Variants in MRTFB observed in about 807,000 individuals in gnomAD.
The protein encoded by MRTFB is myocardin related transcription factor B.
Under a neutral mutation model 104.2 loss-of-function variants are expected in MRTFB, and 29 were observed. The ratio of observed to expected loss-of-function variants is 0.28; its 90% CI spans 0.21 to 0.38. The LOEUF is 0.38. Among genes scored for constraint, MRTFB ranks in the 10% least tolerant of loss-of-function variants. MRTFB has a pLI of 1.00. For missense variants in MRTFB, 1,270 were observed against 1,341.6 expected, an observed-to-expected ratio of 0.95 and a Z score of 0.83; for synonymous variants, 535 against 519.5, an observed-to-expected ratio of 1.03 and a Z score of -0.41.
At chr16:14,218,234 A>AT (rs1185453127) in intron 7 of MRTFB, among the ~76,000 whole-genome samples, 1 of 151,566 alleles carries the variant, frequency 6.6e-6, no homozygotes, top group African/African-American at 2.4e-5. Flanking sequence ...AATTTTTTCT[A>AT]TTTTTTAGCA....
intron 3 of MRTFB, among the ~76,000 whole-genome samples, chr16:14,163,433 T>A (rs1685058538): frequency 6.6e-6 from 1 of 152,218 alleles, no homozygotes; most frequent in South Asian, 2.1e-4. Flanking sequence ...TTATATTACA[T>A]ATAAGCCTCA....
chr16:14,125,981 A>G (rs1275960088), intron 2 of MRTFB, among the ~76,000 whole-genome samples: 2 of 152,206 alleles, frequency 1.3e-5, no homozygotes, highest in African/African-American at 4.8e-5. Flanking sequence ...CAAGGACTAC[A>G]CTCAAACTTC....
intron 16 of MRTFB, among the ~76,000 whole-genome samples, chr16:14,258,731 C>G (rs1358319160): frequency 2.0e-5 from 3 of 152,192 alleles, no homozygotes; most frequent in African/African-American, 7.2e-5. Flanking sequence ...TATGTTACAT[C>G]AAGCCACTTA....
At chr16:14,145,918 C>T (rs1483863403) in intron 3 of MRTFB, among the ~76,000 whole-genome samples, 1 of 152,178 alleles carries the variant, frequency 6.6e-6, no homozygotes, top group Non-Finnish European at 1.5e-5. Flanking sequence ...AGAGCTGCAG[C>T]CCTTTGCCTG....
chr16:14,001,558 C>T, the MRTFB span, among the ~76,000 whole-genome samples: 1 of 152,248 alleles, frequency 6.6e-6, no homozygotes, highest in Non-Finnish European at 1.5e-5. Context: ...GAACAATGAT[C>T]GCCCAGAGCA....
intron 3 of MRTFB, chr16:14,144,500 G>A (rs531031812): frequency 7.9e-5 from 12 of 152,100 alleles, no homozygotes; most frequent in African/African-American, 2.7e-4. Flanking sequence ...GGTAGCCAAG[G>A]TTAATAACAA....
At chr16:14,195,942 T>A (rs2040412412) in intron 3 of MRTFB, among the ~76,000 whole-genome samples, 1 of 152,244 alleles carries the variant, frequency 6.6e-6, no homozygotes, top group African/African-American at 2.4e-5. Context: ...AAATCAAGTA[T>A]TGTTTTAACC....
At chr16:14,152,831 A>G (rs1181844629) in intron 3 of MRTFB, 3 of 152,196 alleles carry the variant, frequency 2.0e-5, no homozygotes, top group East Asian at 3.8e-4. Flanking sequence ...AATCCTTTAA[A>G]TGAATTCTTT....
rs530176020 is a variant in MRTFB, at chr16:14,232,867, T to C, written c.694-1279T>C. On this transcript the variant is annotated intron_variant, in intron 8 of 16. Coordinates refer to ENST00000571589, the MANE Select transcript of MRTFB (RefSeq NM_001308142.2). Reference sequence around the variant, plus strand: ...TTTAAGGAGGAAAAATACAGTTTGCTATTTTAAAATGCAAATACTTTAACA... The same window carrying C: ...TTTAAGGAGGAAAAATACAGTTTGCCATTTTAAAATGCAAATACTTTAACA... Among the ~76,000 whole-genome samples the C allele has an allele frequency of 2.0e-5, 3 of 152,378 alleles. No homozygotes were observed. The East Asian group carries it at 5.8e-4, about 29-fold the overall frequency.
intron 8 of MRTFB, among the ~76,000 whole-genome samples, chr16:14,219,892 T>C (rs1163077153): frequency 6.6e-6 from 1 of 152,188 alleles, no homozygotes; most frequent in Non-Finnish European, 1.5e-5. Context: ...AGAGCAAGTA[T>C]ATTTTGAGCA....
At chr16:14,241,313 T>C (rs1378728052) in intron 10 of MRTFB, 1 of 152,622 alleles carries the variant, frequency 6.6e-6, no homozygotes, top group Non-Finnish European at 1.5e-5. Context: ...TTTTCAAAGT[T>C]TGAACCCAAC....
intron 2 of MRTFB, among the ~76,000 whole-genome samples, chr16:14,118,457 C>T (rs2036660399): frequency 6.6e-6 from 1 of 151,376 alleles, no homozygotes; most frequent in Non-Finnish European, 1.5e-5. Context: ...CATCTTCTTT[C>T]TGCAGAACCA....
chr16:14,224,248 TTTG>T (rs1326724141), intron 8 of MRTFB, among the ~76,000 whole-genome samples: 1 of 152,106 alleles, frequency 6.6e-6, no homozygotes, highest in Non-Finnish European at 1.5e-5. Context: ...TGACATGAGA[TTTG>T]GTCATGATTC....
chr16:14,205,677 T>G (rs2040909167), intron 3 of MRTFB, among the ~76,000 whole-genome samples: 1 of 152,226 alleles, frequency 6.6e-6, no homozygotes, highest in African/African-American at 2.4e-5. Flanking sequence ...TCTTTATTAC[T>G]TATGTCCTTT....
chr16:14,152,966 C>T (rs897112735), intron 3 of MRTFB: 4 of 152,076 alleles, frequency 2.6e-5, no homozygotes, highest in Non-Finnish European at 5.9e-5. Flanking sequence ...AAAAATGGGA[C>T]ACAGGCAAGT....
At chr16:14,066,916 T>C (rs2033532091), upstream of MRTFB, among the ~76,000 whole-genome samples, 1 of 150,170 alleles carries the variant, frequency 6.7e-6, no homozygotes, top group African/African-American at 2.4e-5. Flanking sequence ...TTCAATCCTC[T>C]CTCCTTAGTC....
the MRTFB span, among the ~76,000 whole-genome samples, chr16:14,043,219 C>T: frequency 6.6e-6 from 1 of 152,146 alleles, no homozygotes; most frequent in African/African-American, 2.4e-5. Flanking sequence ...GTCTGCTCAC[C>T]TCTGCGTACT....
At position 14,252,448 on chromosome 16, in the gene MRTFB, C is replaced by A. The variant is rs757919796; in HGVS notation, c.2649C>A (p.Pro883=). The change falls in exon 15 of 17, where the codon CCC becomes CCA. Residue 883 remains proline (P), a synonymous_variant. Transcript: ENST00000571589. ...CAGTCGCCAAGACAAAAGATCCCCC[C>A]CGCTATGAGGAGGCCATCAAGCAGA... is the stretch of plus-strand genomic sequence containing the variant. ...GSPVAKTKDP[P]RYEEAIKQTR... 1.2e-6 allele frequency: 2 copies of A among 1,613,920 alleles called. No homozygotes were observed. The highest frequency in any genetic ancestry group is 1.7e-6 in the Non-Finnish European group (2 of 1,179,984).
Position 14,245,534 on chromosome 16 carries a change from C to T in MRTFB, c.1086C>T (p.Leu362=), listed in dbSNP as rs770229914. The T allele has an allele frequency of 1.6e-5, 26 of 1,607,906 alleles. No individual in the cohort carries two copies. The South Asian group carries it at 2.5e-4, about 15-fold the overall frequency. ...QTILPAPFKP[L]NDKNSNSGNS... ...TTTTTGTTTTCTTTTGAAGGCCACTCAATGACAAAAATAGTAACAGTGGGA... is the reference window on the plus strand; with the variant it reads ...TTTTTGTTTTCTTTTGAAGGCCACTTAATGACAAAAATAGTAACAGTGGGA... Residue 362 remains leucine, a synonymous_variant, in exon 11 of 17, where the codon CTC becomes CTT. Coordinates refer to ENST00000571589, the MANE Select transcript of MRTFB (RefSeq NM_001308142.2).
Sources: gnomAD v4.1 joint callset for allele counts (sites outside exome capture counted in the v4.1 genomes callset) on GRCh38, gnomAD v4.1.1 for gene constraint, MANE v1.5 for transcripts, NCBI Gene and HGNC (gene_info 2026-07-23, HGNC 2026-07-21) for gene names.